Variants in COQ7 observed in about 807,000 individuals in gnomAD.
COQ7 encodes coenzyme Q7, hydroxylase.
COQ7 carries 21 observed loss-of-function variants against 25.0 expected under a neutral mutation model. The observed-to-expected ratio is 0.84, with a 90% confidence interval of 0.60 to 1.21. The LOEUF (loss-of-function observed/expected upper bound fraction) is 1.21. Among genes scored for constraint, COQ7 ranks in the 50% most tolerant of loss-of-function variants. COQ7 has a pLI of 0.00. For missense variants in COQ7, 311 were observed against 296.2 expected, an observed-to-expected ratio of 1.05 and a Z score of -0.37; for synonymous variants, 125 against 112.4, an observed-to-expected ratio of 1.11 and a Z score of -0.71.
At chr16:19,076,702 C>T (rs1036509752) in intron 4 of COQ7, among the ~76,000 whole-genome samples, 13 of 151,284 alleles carry the variant, frequency 8.6e-5, no homozygotes, top group African/African-American at 3.2e-4. Context: ...AGCGATTCTC[C>T]TGCCTCGGCG....
Position 19,077,589 on chromosome 16 carries a change from G to GTTTTTTTTTTTTTTT in COQ7, c.576+215_576+216insTTTTTTTTTTTTTTT, listed in dbSNP as rs1413837387. ...TTATGCCTTCTCCTTTTCCCCAGAA[G>GTTTTTTTTTTTTTTT]CTTTTTTTTTTTTTTCCCAGACACA... On this transcript the variant is annotated intron_variant, in intron 5 of 5. Coordinates refer to ENST00000321998, the MANE Select transcript of COQ7 (RefSeq NM_016138.5). 2.1e-3 allele frequency among the ~76,000 whole-genome samples: 39 copies of GTTTTTTTTTTTTTTT among 18,592 alleles called. 3 individuals carry two copies. The highest frequency in any genetic ancestry group is 4.6e-3 in the Non-Finnish European group (25 of 5,390). The allele number at this position is 18,592 out of a possible 152,430, so 12.2% of individuals were successfully genotyped here. A position where few individuals can be genotyped will look rare whatever the true frequency, so the allele number is the denominator to read the frequency against.
Position 19,074,000 on chromosome 16 carries a change from T to C in COQ7, c.332T>C (p.Leu111Pro), listed in dbSNP as rs138490803. 1.5e-5 allele frequency: 24 copies of C among 1,613,662 alleles called. No individual in the cohort carries two copies. Among genetic ancestry groups the C allele is most frequent in the Non-Finnish European group, 1.8e-5 (21 of 1,179,932 alleles). The change falls in exon 3 of 6, where the codon CTG becomes CCG. Residue 111 changes from leucine to proline, a missense_variant. By Grantham distance (98) the Leu-to-Pro change is moderately conservative. Coordinates refer to ENST00000321998, the MANE Select transcript of COQ7 (RefSeq NM_016138.5). ...ACGTTCAGGGTCCGGCCAACAGTTC[T>C]GATGCCCTTGTGGAACGTGCTGGGG... Reference protein sequence around the residue: ...MVTFRVRPTVLMPLWNVLGFA... With the variant: ...MVTFRVRPTVPMPLWNVLGFA...
At chr16:19,070,749 CAAA>C (rs935274619) in intron 1 of COQ7, among the ~76,000 whole-genome samples, 1 of 131,022 alleles carries the variant, frequency 7.6e-6, no homozygotes, top group African/African-American at 2.9e-5. Context: ...GAGTCTGTCT[CAAA>C]AAAAAAAAAA....
chr16:19,068,006 C>G (rs1348435514), intron 1 of COQ7: 2 of 1,327,026 alleles, frequency 1.5e-6, no homozygotes, highest in Admixed American at 7.5e-5. Context: ...GATGTCACGG[C>G]AGGTGCGGCC....
At chr16:19,076,585 CTTTTTTTTTTTTT>C (rs67725348) in intron 4 of COQ7, among the ~76,000 whole-genome samples, 24 of 80,510 alleles carry the variant, frequency 3.0e-4, no homozygotes, top group Non-Finnish European at 5.2e-4. Context: ...GTGCTGTTCA[CTTTTTTTTTTTTT>C]TTTTTTTTTT....
intron 1 of COQ7, chr16:19,068,076 C>T (rs1209229063): frequency 8.5e-7 from 1 of 1,170,838 alleles, no homozygotes; most frequent in Non-Finnish European, 1.1e-6. Flanking sequence ...GGGAGTCTCT[C>T]TCTTTGTAGT....
intron 1 of COQ7, chr16:19,068,262 C>T (rs1962344783): frequency 5.0e-6 from 5 of 994,970 alleles, no homozygotes; most frequent in African/African-American, 1.7e-5. Context: ...CTGTGAAAGC[C>T]ATCAGTGTAG....
chr16:19,075,191 C>G (rs541496025), intron 3 of COQ7, among the ~76,000 whole-genome samples: 1 of 143,116 alleles, frequency 7.0e-6, no homozygotes, highest in African/African-American at 2.6e-5. Flanking sequence ...GTGGCAATAC[C>G]TAGGGACATT....
At position 19,073,939 on chromosome 16, in the gene COQ7, A is replaced by G. The variant is rs753011174; in HGVS notation, c.271A>G (p.Lys91Glu). 2.5e-6 allele frequency: 4 copies of G among 1,613,788 alleles called. No homozygotes were observed. In the Admixed American group the frequency reaches 5.0e-5, roughly 20 times the overall value. Residue 91 changes from lysine to glutamate, a missense_variant, in exon 3 of 6, where the codon AAG (lysine) becomes GAG (glutamate). By Grantham distance (56) the Lys-to-Glu change is moderately conservative (BLOSUM62 1). Transcript: ENST00000321998. The stretch of plus-strand genomic sequence containing the variant: ...CTTGCAGAAAATGTGGGATCAAGAA[A>G]AGGACCATTTGAAAAAGTTCAATGA... The part of the protein sequence containing the change: ...PVIQKMWDQE[K>E]DHLKKFNELM...
intron 1 of COQ7, 100 bp downstream of exon 1, chr16:19,067,837 A>G (rs1962308588): frequency 2.0e-6 from 3 of 1,529,262 alleles, no homozygotes; most frequent in East Asian, 4.7e-5. Flanking sequence ...AGAGGTTCGT[A>G]ACGTCACAGG....
intron 1 of COQ7, chr16:19,068,117 A>T: frequency 1.9e-6 from 2 of 1,073,260 alleles, no homozygotes; most frequent in Non-Finnish European, 2.3e-6. Flanking sequence ...GGCAAAGGGT[A>T]GCCCGACGAC....
At chr16:19,073,830 T>C in intron 2 of COQ7, 91 bp from the exon 3 acceptor site, 1 of 857,842 alleles carries the variant, frequency 1.2e-6, no homozygotes, top group Middle Eastern at 2.6e-4. Flanking sequence ...CATCATTTTC[T>C]CCGTTTCTGC....
intron 2 of COQ7, among the ~76,000 whole-genome samples, chr16:19,072,933 G>A (rs1473439926): frequency 6.6e-6 from 1 of 152,272 alleles, no homozygotes; most frequent in African/African-American, 2.4e-5. Context: ...CACTTTGGGA[G>A]GCCGAGGCCA....
downstream of COQ7, chr16:19,080,159 C>T (rs762622054): frequency 1.1e-4 from 17 of 152,094 alleles, no homozygotes; most frequent in Non-Finnish European, 2.2e-4. Context: ...AGAATCTCAC[C>T]TCATGGTCAA....
chr16:19,075,935 T>G, intron 4 of COQ7, 75 bp downstream of exon 4: 1 of 1,578,512 alleles, frequency 6.3e-7, no homozygotes, highest in Non-Finnish European at 8.7e-7. Context: ...GAGGAAAACA[T>G]GTTAGAGATT....
intron 1 of COQ7, among the ~76,000 whole-genome samples, chr16:19,069,286 A>G (rs763637163): frequency 6.6e-6 from 1 of 152,238 alleles, no homozygotes; most frequent in Non-Finnish European, 1.5e-5. Flanking sequence ...GCATAACAGA[A>G]TAAGACTCAT....
At chr16:19,076,468 GTC>G (rs901513901) in intron 4 of COQ7, among the ~76,000 whole-genome samples, 1 of 151,266 alleles carries the variant, frequency 6.6e-6, no homozygotes, top group Non-Finnish European at 1.5e-5. Flanking sequence ...TGTAGGCACA[GTC>G]TCTCTCTATG....
At chr16:19,081,534 A>C (rs1963099457), downstream of COQ7, among the ~76,000 whole-genome samples, 1 of 152,278 alleles carries the variant, frequency 6.6e-6, no homozygotes, top group South Asian at 2.1e-4. Context: ...AGAGGAATTT[A>C]CCCAACTCAT....
At chr16:19,074,859 T>C (rs1261877812) in intron 3 of COQ7, among the ~76,000 whole-genome samples, 1 of 152,042 alleles carries the variant, frequency 6.6e-6, no homozygotes, top group African/African-American at 2.4e-5. Context: ...GTCAGTATTA[T>C]AAATAGAAAA....
Sources: allele counts gnomAD v4.1 joint callset (sites outside exome capture counted in the v4.1 genomes callset), GRCh38; gene constraint gnomAD v4.1.1; transcripts MANE v1.5; gene names NCBI Gene and HGNC (gene_info 2026-07-23, HGNC 2026-07-21).